SUGCT: variants seen among roughly 807,000 people sequenced by gnomAD.
The protein encoded by SUGCT is succinyl-CoA:glutarate CoA-transferase.
Under a neutral mutation model 55.0 loss-of-function variants are expected in SUGCT, and 41 were observed. That is an observed-to-expected ratio of 0.74 (90% CI 0.58 to 0.97). The LOEUF (loss-of-function observed/expected upper bound fraction) is 0.97, where lower values mean the gene tolerates loss of function less well. SUGCT is among the 50% of genes least tolerant of loss of function. The pLI is 0.00. For missense variants in SUGCT, 568 were observed against 547.8 expected (o/e 1.04, Z -0.37); for synonymous variants, 187 against 200.4 (o/e 0.93, Z 0.56).
chr7:40,159,659 G>T (rs1330442460), intron 1 of SUGCT, among the ~76,000 whole-genome samples: 1 of 152,014 alleles, frequency 6.6e-6, no homozygotes, highest in African/African-American at 2.4e-5. Flanking sequence ...GTGAGCCACC[G>T]TGCCTGGCCG....
intron 12 of SUGCT, among the ~76,000 whole-genome samples, chr7:40,592,547 A>G (rs1243949966): frequency 1.3e-5 from 2 of 152,182 alleles, no homozygotes; most frequent in African/African-American, 4.8e-5. Flanking sequence ...CAAGATTGCT[A>G]ATCTAGGGAC....
At chr7:40,986,807 C>A in the SUGCT span, among the ~76,000 whole-genome samples, 1 of 152,050 alleles carries the variant, frequency 6.6e-6, no homozygotes, top group African/African-American at 2.4e-5. Context: ...TTAAATCAGG[C>A]CATTATGCAA....
At chr7:40,996,249 G>T in the SUGCT span, among the ~76,000 whole-genome samples, 1 of 152,144 alleles carries the variant, frequency 6.6e-6, no homozygotes, top group South Asian at 2.1e-4. Flanking sequence ...AGCTGTCACT[G>T]TGTAGCCTCT....
the SUGCT span, among the ~76,000 whole-genome samples, chr7:40,907,441 A>T: frequency 6.6e-6 from 1 of 152,204 alleles, no homozygotes; most frequent in Non-Finnish European, 1.5e-5. Context: ...CGTTTAATAT[A>T]GCCAACACTT....
At chr7:40,159,984 T>C (rs1413249910) in intron 1 of SUGCT, among the ~76,000 whole-genome samples, 5 of 152,208 alleles carry the variant, frequency 3.3e-5, no homozygotes, top group Non-Finnish European at 5.9e-5. Context: ...GAAAGAAGCA[T>C]GCTTGATATG....
intron 12 of SUGCT, among the ~76,000 whole-genome samples, chr7:40,498,421 G>A (rs1792101791): frequency 2.0e-5 from 3 of 152,162 alleles, no homozygotes; most frequent in Admixed American, 6.5e-5. Flanking sequence ...ACTCTGGAAT[G>A]TGCAAGTTTT....
intron 9 of SUGCT, among the ~76,000 whole-genome samples, chr7:40,434,492 G>T (rs1437091341): frequency 2.0e-5 from 3 of 152,032 alleles, no homozygotes; most frequent in Non-Finnish European, 4.4e-5. Flanking sequence ...AGATTCATGG[G>T]GACTTGAGAA....
At chr7:40,749,619 A>T in intron 13 of SUGCT, 122 bp downstream of exon 13, 1 of 766,724 alleles carries the variant, frequency 1.3e-6, no homozygotes, top group Non-Finnish European at 2.2e-6. Flanking sequence ...AATTTATAAC[A>T]TTGGGTAAAA....
chr7:40,556,553 T>A (rs1795571801), intron 12 of SUGCT, among the ~76,000 whole-genome samples: 1 of 152,176 alleles, frequency 6.6e-6, no homozygotes, highest in East Asian at 1.9e-4. Context: ...TGTGAATATT[T>A]GTAGAATGAA....
chr7:41,025,081 A>G, the SUGCT span, among the ~76,000 whole-genome samples: 2 of 152,248 alleles, frequency 1.3e-5, no homozygotes, highest in South Asian at 2.1e-4. Flanking sequence ...GGTAAATTGA[A>G]AAGAAAGACA....
At chr7:40,900,353 G>C in the SUGCT span, among the ~76,000 whole-genome samples, 1 of 152,308 alleles carries the variant, frequency 6.6e-6, no homozygotes, top group Admixed American at 6.5e-5. Flanking sequence ...CTTCATGTTG[G>C]ACAGGTGACT....
the SUGCT span, among the ~76,000 whole-genome samples, chr7:40,961,294 A>C: frequency 6.6e-6 from 1 of 152,232 alleles, no homozygotes; most frequent in East Asian, 1.9e-4. Flanking sequence ...GACAGATGGG[A>C]TCACACACAG....
At chr7:40,675,330 G>T (rs1783916217) in intron 12 of SUGCT, among the ~76,000 whole-genome samples, 1 of 152,094 alleles carries the variant, frequency 6.6e-6, no homozygotes, top group Admixed American at 6.5e-5. Context: ...AAGTGCTGGG[G>T]TTACAGGCGT....
chr7:40,302,089 A>G (rs899025058), intron 8 of SUGCT, among the ~76,000 whole-genome samples: 1 of 152,084 alleles, frequency 6.6e-6, no homozygotes, highest in African/African-American at 2.4e-5. Flanking sequence ...GCCAAACTTC[A>G]TATGTTATTA....
intron 12 of SUGCT, among the ~76,000 whole-genome samples, chr7:40,699,776 C>T (rs1371378214): frequency 2.0e-5 from 3 of 151,982 alleles, no homozygotes; most frequent in South Asian, 2.1e-4. Flanking sequence ...GGCTGAGGCA[C>T]GAGGATTGCT....
intron 12 of SUGCT, among the ~76,000 whole-genome samples, chr7:40,621,182 T>G (rs1238489936): frequency 6.6e-6 from 1 of 152,174 alleles, no homozygotes; most frequent in Admixed American, 6.5e-5. Context: ...TTGTATTTAT[T>G]ATTGTAGCAG....
chr7:40,440,008 G>T (rs1788415870), intron 9 of SUGCT, among the ~76,000 whole-genome samples: 1 of 151,988 alleles, frequency 6.6e-6, no homozygotes, highest in African/African-American at 2.4e-5. Flanking sequence ...AATGGGAGAG[G>T]CCTTCAGACT....
chr7:40,258,103 T>G (rs1173836566), intron 7 of SUGCT, among the ~76,000 whole-genome samples: 2 of 152,162 alleles, frequency 1.3e-5, no homozygotes, highest in Non-Finnish European at 2.9e-5. Context: ...CTAAAATCTA[T>G]GCACATACTC....
At chr7:40,245,566 A>G (rs1789813573) in intron 7 of SUGCT, among the ~76,000 whole-genome samples, 1 of 145,538 alleles carries the variant, frequency 6.9e-6, no homozygotes, top group Non-Finnish European at 1.5e-5. Flanking sequence ...CAGCCTCCCG[A>G]GTAGCTGGGA....
Sources: allele counts gnomAD v4.1 joint callset (sites outside exome capture counted in the v4.1 genomes callset), GRCh38; gene constraint gnomAD v4.1.1; transcripts MANE v1.5; gene names NCBI Gene and HGNC (gene_info 2026-07-23, HGNC 2026-07-21).